NME7: variants seen among roughly 807,000 people sequenced by gnomAD.
The protein encoded by NME7 is NME/NM23 family member 7.
In NME7, 41 loss-of-function variants were observed where a neutral mutation model predicts 49.1. The observed-to-expected ratio is 0.83, with a 90% CI of 0.65 to 1.08. NME7 has a LOEUF of 1.08. Ranked by LOEUF, NME7 falls within the 50% of genes least tolerant of loss-of-function variation. The pLI, the probability that NME7 is intolerant of heterozygous loss-of-function variation, is 0.00. For synonymous variants in NME7, 139 were observed against 150.6 expected, an observed-to-expected ratio of 0.92 and a Z score of 0.56; for missense variants, 423 against 463.4, an observed-to-expected ratio of 0.91 and a Z score of 0.80.
At chr1:169,262,349 A>C (rs1175504171) in intron 7 of NME7, among the ~76,000 whole-genome samples, 1 of 134,304 alleles carries the variant, frequency 7.4e-6, no homozygotes, top group Non-Finnish European at 1.8e-5. Flanking sequence ...TTGATAACCC[A>C]CAGAATTGTG....
intron 11 of NME7, among the ~76,000 whole-genome samples, chr1:169,140,991 A>C (rs1377293268): frequency 6.6e-6 from 1 of 152,204 alleles, no homozygotes; most frequent in Non-Finnish European, 1.5e-5. Flanking sequence ...ATTGTTTATA[A>C]GGACTAAATA....
chr1:169,303,425 CTACTTATGTTA>C (rs1651038945), intron 4 of NME7: 1 of 172,416 alleles, frequency 5.8e-6, no homozygotes, highest in Non-Finnish European at 1.1e-5. Context: ...GTTTACTTTT[CTACTTATGTTA>C]TATATTGTCT....
Position 169,264,204 on chromosome 1 carries a change from T to C in NME7, c.754+23099A>G, listed in dbSNP as rs1318623387. Among the ~76,000 whole-genome samples, 2 of 133,674 alleles carry C rather than the reference T, an allele frequency of 1.5e-5. 1 individual carries two copies. The highest frequency in any genetic ancestry group is 3.5e-5 in the Non-Finnish European group (2 of 56,806). 87.7% of individuals were successfully genotyped at this position (133,674 alleles called of 152,430 possible). ...AACCACACAAAGAAGTCTGCATAAT[T>C]ACCAGCTAAGAACATAATGACAGGA... On this transcript the variant is annotated intron_variant, in intron 7 of 11. Transcript: ENST00000367811.
At chr1:169,156,370 T>C (rs1173310875) in intron 11 of NME7, among the ~76,000 whole-genome samples, 3 of 151,916 alleles carry the variant, frequency 2.0e-5, no homozygotes, top group Non-Finnish European at 4.4e-5. Context: ...TTGAGAACCA[T>C]TTCCCAGGGA....
At chr1:169,213,360 G>T (rs1660885726) in intron 10 of NME7, among the ~76,000 whole-genome samples, 1 of 133,444 alleles carries the variant, frequency 7.5e-6, no homozygotes, top group Admixed American at 7.4e-5. Flanking sequence ...AGAATGAACT[G>T]CACAGGAGTA....
chr1:169,324,750 T>G (rs185673428), intron 1 of NME7, among the ~76,000 whole-genome samples: 56 of 152,358 alleles, frequency 3.7e-4, no homozygotes, highest in Non-Finnish European at 5.9e-5. Context: ...TTTACAGCCA[T>G]CTAATCATCC....
intron 7 of NME7, among the ~76,000 whole-genome samples, chr1:169,250,601 A>C (rs1366107857): frequency 6.6e-6 from 1 of 151,996 alleles, no homozygotes; most frequent in Non-Finnish European, 1.5e-5. Context: ...TTTTTAATGT[A>C]GGTATTTAGC....
intron 11 of NME7, among the ~76,000 whole-genome samples, chr1:169,137,475 T>G (rs1571235612): frequency 1.3e-5 from 2 of 152,044 alleles, no homozygotes; most frequent in South Asian, 4.2e-4. Flanking sequence ...TTGGGGAAGG[T>G]GCAGGGTGAG....
chr1:169,168,799 C>A (rs1418396695), intron 11 of NME7: 4 of 450,166 alleles, frequency 8.9e-6, no homozygotes, highest in Non-Finnish European at 8.9e-6. Flanking sequence ...ATATGTTATG[C>A]ACTCATAATA....
Position 169,197,411 on chromosome 1 carries a change from G to A in NME7, c.991-27857C>T, listed in dbSNP as rs568685256. Among the ~76,000 whole-genome samples, 37 of 151,996 alleles carry A rather than the reference G, an allele frequency of 2.4e-4. 1 individual carries two copies. The highest frequency in any genetic ancestry group is 8.7e-4 in the African/African-American group (36 of 41,510). ...GTGTATTAATTAAAAACTACTCTGT[G>A]TGTGTGTGTGTATTCTTAGATGTCA... On this transcript the variant is annotated intron_variant, in intron 10 of 11. Transcript: ENST00000367811.
At chr1:169,316,151 T>C (rs1163888293) in intron 3 of NME7, among the ~76,000 whole-genome samples, 4 of 152,020 alleles carry the variant, frequency 2.6e-5, no homozygotes. Context: ...AATGTTTAGG[T>C]AAATCTAAGC....
chr1:169,160,977 T>C (rs1459868951), intron 11 of NME7, among the ~76,000 whole-genome samples: 1 of 152,180 alleles, frequency 6.6e-6, no homozygotes, highest in Admixed American at 6.5e-5. Context: ...GACTTCTACC[T>C]AGTCTCTGTC....
intron 10 of NME7, among the ~76,000 whole-genome samples, chr1:169,224,893 T>C (rs1355689389): frequency 5.3e-5 from 8 of 152,030 alleles, no homozygotes; most frequent in Admixed American, 5.2e-4. Context: ...GATATAAAAA[T>C]AGTATATATA....
intron 7 of NME7, among the ~76,000 whole-genome samples, chr1:169,252,916 T>C (rs1242343078): frequency 2.0e-5 from 3 of 149,938 alleles, no homozygotes; most frequent in African/African-American, 7.4e-5. Context: ...GTTCCATTGA[T>C]CTATATCTCT....
chr1:169,297,823 G>A (rs775481472), intron 6 of NME7, among the ~76,000 whole-genome samples: 20 of 152,114 alleles, frequency 1.3e-4, no homozygotes, highest in African/African-American at 4.8e-4. Flanking sequence ...AAAGAATTTG[G>A]AGGCTATTGT....
intron 11 of NME7, among the ~76,000 whole-genome samples, chr1:169,165,018 AC>A (rs1485848749): frequency 6.6e-6 from 1 of 152,222 alleles, no homozygotes; most frequent in African/African-American, 2.4e-5. Context: ...TCTTTAACAC[AC>A]AAATTTAAGA....
intron 10 of NME7, among the ~76,000 whole-genome samples, chr1:169,170,850 C>G (rs940799968): frequency 1.3e-5 from 2 of 152,076 alleles, no homozygotes; most frequent in East Asian, 3.9e-4. Context: ...TCACCTGAAC[C>G]TGGGAGATGG....
intron 6 of NME7, among the ~76,000 whole-genome samples, chr1:169,292,057 A>G (rs1270873388): frequency 5.3e-5 from 8 of 152,126 alleles, no homozygotes; most frequent in African/African-American, 1.9e-4. Context: ...TATTCAATAC[A>G]TTTTCAACAA....
intron 11 of NME7, among the ~76,000 whole-genome samples, chr1:169,133,631 G>C (rs747020813): frequency 2.6e-5 from 4 of 152,202 alleles, no homozygotes; most frequent in Non-Finnish European, 4.4e-5. Flanking sequence ...AAAATAGCAA[G>C]GGAACTATGA....
Sources: gnomAD v4.1 joint callset for allele counts (sites outside exome capture counted in the v4.1 genomes callset) on GRCh38, gnomAD v4.1.1 for gene constraint, MANE v1.5 for transcripts, NCBI Gene and HGNC (gene_info 2026-07-23, HGNC 2026-07-21) for gene names.